The following TMEM132D variants were observed in gnomAD, a reference collection of about 807,000 sequenced individuals.
TMEM132D encodes mature OL transmembrane protein.
Under a neutral mutation model 62.3 loss-of-function variants are expected in TMEM132D, and 21 were observed. The ratio of observed to expected loss-of-function variants is 0.34; its 90% CI spans 0.24 to 0.49. The LOEUF is 0.49. TMEM132D is among the 20% of genes least tolerant of loss of function. TMEM132D has a pLI of 0.99. For missense variants in TMEM132D, 1,346 were observed against 1,402.8 expected (o/e 0.96, Z 0.65); for synonymous variants, 621 against 575.6 (o/e 1.08, Z -1.13).
intron 1 of TMEM132D, among the ~76,000 whole-genome samples, chr12:129,859,044 G>T (rs955405507): frequency 6.6e-6 from 1 of 151,472 alleles, no homozygotes; most frequent in African/African-American, 2.4e-5. Flanking sequence ...GGAACGGGAT[G>T]GGTGCCCTTG....
chr12:129,077,890 AAC>A (rs1261896112), intron 8 of TMEM132D, among the ~76,000 whole-genome samples: 1 of 145,778 alleles, frequency 6.9e-6, no homozygotes, highest in Non-Finnish European at 1.6e-5. Flanking sequence ...GACACACAAA[AAC>A]AACATATATG....
intron 3 of TMEM132D, among the ~76,000 whole-genome samples, chr12:129,343,967 T>G (rs1474106188): frequency 6.6e-6 from 1 of 152,068 alleles, no homozygotes; most frequent in Non-Finnish European, 1.5e-5. Flanking sequence ...TAATATTGAT[T>G]CTTGCAAAAC....
At chr12:129,695,240 G>A (rs145698732) in intron 2 of TMEM132D, among the ~76,000 whole-genome samples, 1 of 152,172 alleles carries the variant, frequency 6.6e-6, no homozygotes, top group South Asian at 2.1e-4. Context: ...GCCAAGGGGG[G>A]CAGCAGATAA....
intron 5 of TMEM132D, among the ~76,000 whole-genome samples, chr12:129,193,012 G>A (rs1202831145): frequency 6.6e-6 from 1 of 152,084 alleles, no homozygotes; most frequent in East Asian, 1.9e-4. Context: ...CAAAAAATTA[G>A]CCGAGCGCGG....
At chr12:129,216,226 G>C (rs752603646) in intron 4 of TMEM132D, among the ~76,000 whole-genome samples, 1 of 152,208 alleles carries the variant, frequency 6.6e-6, no homozygotes, top group Non-Finnish European at 1.5e-5. Context: ...TATTTGTAGA[G>C]TGTTTAGAAC....
intron 3 of TMEM132D, among the ~76,000 whole-genome samples, chr12:129,504,351 T>C (rs1875265433): frequency 6.6e-6 from 1 of 152,220 alleles, no homozygotes; most frequent in Non-Finnish European, 1.5e-5. Flanking sequence ...TCTTGTAGAA[T>C]TCAGCTGTAA....
chr12:129,279,453 A>C (rs1207496117), intron 4 of TMEM132D, among the ~76,000 whole-genome samples: 1 of 152,232 alleles, frequency 6.6e-6, no homozygotes, highest in African/African-American at 2.4e-5. Flanking sequence ...CTGCAACAGA[A>C]GTAGCAAGCC....
intron 3 of TMEM132D, among the ~76,000 whole-genome samples, chr12:129,455,629 C>G (rs1168493823): frequency 6.6e-6 from 1 of 152,088 alleles, no homozygotes; most frequent in Non-Finnish European, 1.5e-5. Flanking sequence ...CAGGAATTCT[C>G]CAAGGACAGA....
chr12:129,515,418 G>A (rs1875644353), intron 3 of TMEM132D, among the ~76,000 whole-genome samples: 1 of 152,196 alleles, frequency 6.6e-6, no homozygotes, highest in Admixed American at 6.5e-5. Context: ...GTGATTGAAA[G>A]TTGACATTTC....
At chr12:129,600,182 T>C (rs945703864) in intron 2 of TMEM132D, among the ~76,000 whole-genome samples, 2 of 152,374 alleles carry the variant, frequency 1.3e-5, no homozygotes, top group Admixed American at 6.5e-5. Flanking sequence ...GTTTCAACAA[T>C]GCTCACACGT....
chr12:129,087,721 G>T (rs1046480426), intron 5 of TMEM132D, among the ~76,000 whole-genome samples: 1 of 152,216 alleles, frequency 6.6e-6, no homozygotes, highest in African/African-American at 2.4e-5. Flanking sequence ...CAGACTTTCG[G>T]CCTTCAGAAC....
intron 3 of TMEM132D, among the ~76,000 whole-genome samples, chr12:129,420,899 T>C (rs1249995449): frequency 6.6e-6 from 1 of 152,010 alleles, no homozygotes; most frequent in African/African-American, 2.4e-5. Context: ...TTATATAATC[T>C]CTAACTGGCT....
intron 2 of TMEM132D, among the ~76,000 whole-genome samples, chr12:129,684,768 G>C (rs1880866139): frequency 6.6e-6 from 1 of 151,998 alleles, no homozygotes; most frequent in Non-Finnish European, 1.5e-5. Flanking sequence ...CCAAAATGCT[G>C]ACAGTGATAT....
At chr12:129,615,843 A>G (rs1288127147) in intron 2 of TMEM132D, among the ~76,000 whole-genome samples, 3 of 142,702 alleles carry the variant, frequency 2.1e-5, no homozygotes, top group South Asian at 2.3e-4. Flanking sequence ...AATAAAATAA[A>G]ATAAGATAGC....
At chr12:129,188,118 G>T (rs1878270919) in intron 5 of TMEM132D, among the ~76,000 whole-genome samples, 1 of 152,212 alleles carries the variant, frequency 6.6e-6, no homozygotes, top group Non-Finnish European at 1.5e-5. Context: ...TCCAACAAGA[G>T]TTGAAGACTG....
chr12:129,356,147 A>ATTTTTTTTTTTTTTT (rs35842499), intron 3 of TMEM132D, among the ~76,000 whole-genome samples: 2 of 36,546 alleles, frequency 5.5e-5, no homozygotes, highest in African/African-American at 1.2e-4. Flanking sequence ...AACTGAAGGG[A>ATTTTTTTTTTTTTTT]TTTTTTTTTT....
At chr12:129,588,741 T>C (rs1565914260) in intron 2 of TMEM132D, among the ~76,000 whole-genome samples, 1 of 3,460 alleles carries the variant, frequency 2.9e-4, no homozygotes, top group Non-Finnish European at 2.8e-3. Context: ...CGCCCAGCTA[T>C]TTTTTTCTTT....
intron 5 of TMEM132D, among the ~76,000 whole-genome samples, chr12:129,118,471 CTG>C (rs1372589920): frequency 6.6e-6 from 1 of 152,254 alleles, no homozygotes; most frequent in Non-Finnish European, 1.5e-5. Flanking sequence ...CCATCTTTCA[CTG>C]TGTGTGCCTT....
chr12:129,134,112 TG>T (rs1289145104), intron 5 of TMEM132D, among the ~76,000 whole-genome samples: 1 of 44,398 alleles, frequency 2.3e-5, no homozygotes, highest in Non-Finnish European at 6.4e-5. Flanking sequence ...TGTGTGTCTG[TG>T]TGTTGTGTGT....
Sources: gnomAD v4.1 joint callset for allele counts (sites outside exome capture counted in the v4.1 genomes callset) on GRCh38, gnomAD v4.1.1 for gene constraint, MANE v1.5 for transcripts, NCBI Gene and HGNC (gene_info 2026-07-23, HGNC 2026-07-21) for gene names.